The following GALK2 variants were observed in gnomAD, a reference collection of about 807,000 sequenced individuals.
GALK2 encodes N-acetylgalactosamine kinase.
GALK2 carries 36 observed loss-of-function variants against 52.4 expected under a neutral mutation model. That is an observed-to-expected ratio of 0.69 (90% CI 0.53 to 0.91). GALK2 has a LOEUF of 0.91. Ranked by LOEUF, GALK2 falls within the 40% of genes least tolerant of loss-of-function variation. GALK2 has a pLI of 0.00. For synonymous variants in GALK2, 176 were observed against 199.1 expected (o/e 0.88, Z 0.98); for missense variants, 579 against 559.1 (o/e 1.04, Z -0.36).
At position 49,331,078 on chromosome 15, in the gene GALK2, GAT is replaced by G. The variant is rs1328440356; in HGVS notation, c.*2920_*2921del. The G allele has an allele frequency of 6.6e-6, 1 of 152,240 alleles. No individual in the cohort carries two copies. Among genetic ancestry groups the G allele is most frequent in the Non-Finnish European group, 1.5e-5 (1 of 68,058 alleles). 9.4% of individuals were successfully genotyped at this position (152,240 alleles called of 1,614,324 possible). On this transcript the variant is annotated 3_prime_UTR_variant, in exon 10 of 10. Coordinates refer to ENST00000560031, the MANE Select transcript of GALK2 (RefSeq NM_002044.4). ...ACTTTTCTGCCCCATGTAGGAATTTGATTTGATCCATTTTTGACATTATACTA... is the reference window on the plus strand; with the variant it reads ...ACTTTTCTGCCCCATGTAGGAATTTGTTGATCCATTTTTGACATTATACTA...
At chr15:49,173,731 A>C (rs767198178) in intron 1 of GALK2, among the ~76,000 whole-genome samples, 2 of 151,880 alleles carry the variant, frequency 1.3e-5, no homozygotes, top group Non-Finnish European at 2.9e-5. Context: ...ATACAGATAT[A>C]TTTCACTATT....
At chr15:49,191,955 G>T (rs1009760141) in intron 1 of GALK2, among the ~76,000 whole-genome samples, 2 of 151,726 alleles carry the variant, frequency 1.3e-5, no homozygotes, top group Admixed American at 1.3e-4. Flanking sequence ...ATGGACTCGG[G>T]TTTTTATTTT....
At chr15:49,359,918 T>G (rs74908341) in intron 3 of GALK2, among the ~76,000 whole-genome samples, 57,687 of 143,144 alleles carry the variant, frequency 0.4, 11,871 homozygotes, top group African/African-American at 0.43. Flanking sequence ...CATAAAAAAT[T>G]ATGAGTTCAT....
At chr15:49,281,962 T>A (rs749068089) in intron 5 of GALK2, 25 bp from the exon 6 acceptor site, 2 of 1,557,360 alleles carry the variant, frequency 1.3e-6, no homozygotes, top group Non-Finnish European at 1.8e-6. Flanking sequence ...CTACTCACAG[T>A]ACAAATCAGT....
intron 1 of GALK2, 49 bp downstream of exon 1, chr15:49,170,424 T>G: frequency 6.5e-7 from 1 of 1,546,876 alleles, no homozygotes; most frequent in Non-Finnish European, 8.7e-7. Context: ...GTTGGCTACG[T>G]GTAGATCGGG....
intron 3 of GALK2, among the ~76,000 whole-genome samples, chr15:49,341,274 T>A (rs58899332): frequency 0.012 from 1,872 of 152,296 alleles, 36 homozygotes; most frequent in African/African-American, 0.043. Flanking sequence ...AATAGTTTTT[T>A]TCTAATTCTG....
rs546816190 is a variant in GALK2 at position 49,262,538 on chromosome 15, T to G, written c.505-19449T>G. Among the ~76,000 whole-genome samples the G allele has an allele frequency of 5.8e-4, 89 of 152,332 alleles. No homozygotes were observed. The East Asian group carries it at 8.1e-3, about 14-fold the overall frequency. On this transcript the variant is annotated intron_variant, in intron 5 of 9. Coordinates refer to ENST00000560031, the MANE Select transcript of GALK2 (RefSeq NM_002044.4). ...AAACCAGCTCCTGGATTCATTAATT[T>G]TTTGAAGGGTTTTTTGTGTCTCCAT...
chr15:49,299,743 C>CTTTCTTTCTTTTTTTTT (rs2034857228), intron 8 of GALK2, among the ~76,000 whole-genome samples: 3 of 107,760 alleles, frequency 2.8e-5, no homozygotes, highest in African/African-American at 1.1e-4. Flanking sequence ...TCTTTTCTTT[C>CTTTCTTTCTTTTTTTTT]TTTCTTTCTT....
At chr15:49,355,330 T>A (rs1280541495) in intron 3 of GALK2, among the ~76,000 whole-genome samples, 1 of 152,118 alleles carries the variant, frequency 6.6e-6, no homozygotes, top group African/African-American at 2.4e-5. Flanking sequence ...GCAAAGAAGT[T>A]GAAAACTTTG....
At chr15:49,299,758 T>TCTTTCTTTCTTTCTTTC (rs2034889297) in intron 8 of GALK2, among the ~76,000 whole-genome samples, 2 of 141,104 alleles carry the variant, frequency 1.4e-5, no homozygotes, top group Non-Finnish European at 3.1e-5. Flanking sequence ...TTTCTTTCTT[T>TCTTTCTTTCTTTCTTTC]CTTTCTTTCT....
intron 8 of GALK2, among the ~76,000 whole-genome samples, chr15:49,299,955 T>C (rs545389048): frequency 6.6e-6 from 1 of 152,060 alleles, no homozygotes; most frequent in Admixed American, 6.6e-5. Flanking sequence ...TAGATATCTG[T>C]TAGGTCCATT....
intron 5 of GALK2, among the ~76,000 whole-genome samples, chr15:49,265,512 C>T (rs113021160): frequency 4.7e-4 from 71 of 152,348 alleles, no homozygotes; most frequent in African/African-American, 1.6e-3. Flanking sequence ...CTCCCTGACC[C>T]GTTGCGCTTC....
intron 3 of GALK2, among the ~76,000 whole-genome samples, chr15:49,342,423 T>C (rs1214648349): frequency 6.6e-6 from 1 of 152,118 alleles, no homozygotes; most frequent in Admixed American, 6.5e-5. Context: ...GGGTGGGTGT[T>C]GTTACTTGTA....
intron 1 of GALK2, among the ~76,000 whole-genome samples, chr15:49,193,161 C>A (rs999076281): frequency 1.3e-5 from 2 of 151,938 alleles, no homozygotes; most frequent in Non-Finnish European, 2.9e-5. Context: ...CCACTCCTGG[C>A]TAATTTTTGT....
chr15:49,234,661 C>G (rs961074190), intron 3 of GALK2, among the ~76,000 whole-genome samples: 1 of 152,184 alleles, frequency 6.6e-6, no homozygotes, highest in Non-Finnish European at 1.5e-5. Flanking sequence ...GATCCACCCC[C>G]CATGATTCAG....
At chr15:49,308,439 T>C (rs1567045906) in intron 8 of GALK2, among the ~76,000 whole-genome samples, 1 of 152,202 alleles carries the variant, frequency 6.6e-6, no homozygotes, top group African/African-American at 2.4e-5. Flanking sequence ...ACGTACATGA[T>C]AAAGATTTCC....
At chr15:49,214,913 C>T (rs1335939488) in intron 2 of GALK2, among the ~76,000 whole-genome samples, 1 of 149,354 alleles carries the variant, frequency 6.7e-6, no homozygotes, top group Non-Finnish European at 1.5e-5. Context: ...CAAGACAGGT[C>T]TGGTGTTGTT....
intron 5 of GALK2, among the ~76,000 whole-genome samples, chr15:49,280,203 A>G (rs2032485569): frequency 6.6e-6 from 1 of 152,232 alleles, no homozygotes; most frequent in Non-Finnish European, 1.5e-5. Flanking sequence ...ACAGACATGT[A>G]GATAAAAAGA....
intron 5 of GALK2, among the ~76,000 whole-genome samples, chr15:49,256,974 AT>A (rs1184768156): frequency 6.6e-6 from 1 of 152,112 alleles, no homozygotes; most frequent in African/African-American, 2.4e-5. Flanking sequence ...TTAACTTGAG[AT>A]TCTATCAATT....
Sources: gnomAD v4.1 joint callset for allele counts (sites outside exome capture counted in the v4.1 genomes callset) on GRCh38, gnomAD v4.1.1 for gene constraint, MANE v1.5 for transcripts, NCBI Gene and HGNC (gene_info 2026-07-23, HGNC 2026-07-21) for gene names.